Variants in CCDC158 observed in about 807,000 individuals in gnomAD.
CCDC158 encodes coiled-coil domain containing 158, also known as coiled-coil domain-containing protein 158.
A neutral mutation model predicts 138.6 loss-of-function variants in CCDC158; 116 were observed. The observed-to-expected ratio is 0.84, with a 90% confidence interval of 0.72 to 0.98. The LOEUF is 0.98. Among genes scored for constraint, CCDC158 ranks in the 50% least tolerant of loss-of-function variants. CCDC158 has a pLI of 0.00. For synonymous variants in CCDC158, 436 were observed against 442.4 expected, an observed-to-expected ratio of 0.99 and a Z score of 0.18; for missense variants, 1,265 against 1,306.1, an observed-to-expected ratio of 0.97 and a Z score of 0.48.
chr4:76,415,824 G>A (rs1049458547), intron 1 of CCDC158, among the ~76,000 whole-genome samples: 4 of 152,162 alleles, frequency 2.6e-5, no homozygotes, highest in African/African-American at 9.7e-5. Context: ...CAAGTGGACT[G>A]TGGTCTAGTG....
At chr4:76,402,652 C>A (rs1214021968) in intron 3 of CCDC158, among the ~76,000 whole-genome samples, 1 of 152,146 alleles carries the variant, frequency 6.6e-6, no homozygotes, top group Non-Finnish European at 1.5e-5. Flanking sequence ...ACATAGGAAT[C>A]ACCTTTGATT....
intron 18 of CCDC158, chr4:76,345,722 C>A: frequency 1.8e-6 from 1 of 566,180 alleles, no homozygotes; most frequent in Non-Finnish European, 3.2e-6. Flanking sequence ...ATTTTGATTT[C>A]TACAAATCTT....
chr4:76,412,766 A>G (rs1034939571), intron 1 of CCDC158, among the ~76,000 whole-genome samples: 2 of 152,214 alleles, frequency 1.3e-5, no homozygotes, highest in Non-Finnish European at 2.9e-5. Flanking sequence ...AAAGAAAAAA[A>G]TAGCCTATAG....
intron 19 of CCDC158, among the ~76,000 whole-genome samples, chr4:76,332,694 A>G (rs1202657454): frequency 6.6e-6 from 1 of 152,218 alleles, no homozygotes; most frequent in Non-Finnish European, 1.5e-5. Context: ...TAAAAGCTTT[A>G]CGCTGAGTTT....
chr4:76,339,108 T>C (rs1560802117), intron 18 of CCDC158, among the ~76,000 whole-genome samples: 1 of 152,130 alleles, frequency 6.6e-6, no homozygotes, highest in South Asian at 2.1e-4. Context: ...AACTGCTTTG[T>C]CACATGGAGA....
At chr4:76,354,474 C>T (rs570318100) in intron 15 of CCDC158, among the ~76,000 whole-genome samples, 2 of 152,156 alleles carry the variant, frequency 1.3e-5, no homozygotes, top group Admixed American at 6.5e-5. Flanking sequence ...TTTACTTTTT[C>T]ACCTCTATTA....
chr4:76,368,173 G>A (rs1342094096), intron 11 of CCDC158, among the ~76,000 whole-genome samples: 1 of 152,146 alleles, frequency 6.6e-6, no homozygotes, highest in East Asian at 1.9e-4. Flanking sequence ...GTTCTAGAGT[G>A]CAGTCTTGGG....
In CCDC158 at chr4:76,325,924, T is replaced by A. The variant is rs1185243122; in HGVS notation, c.3102A>T (p.Glu1034Asp). ...ACTGTGATGTGGAACCTATTGAACC[T>A]TCAACTGAACTAGTTAGGAGTGAGT... ...PVHSLLTSSV[E>D]GSIGSTSQYR... The change falls in exon 23 of 25, where the codon GAA (glutamate) becomes GAT (aspartate). Residue 1034 changes from glutamate (E) to aspartate (D), a missense_variant. Physicochemically the swap from Glu to Asp is conservative, Grantham distance 45 (BLOSUM62 2). Coordinates refer to ENST00000682701, the MANE Select transcript of CCDC158 (RefSeq NM_001394954.1). 1.9e-6 allele frequency: 3 copies of A among 1,613,640 alleles called. No homozygotes were observed. Among genetic ancestry groups the A allele is most frequent in the South Asian group, 1.1e-5 (1 of 91,074 alleles).
intron 21 of CCDC158, among the ~76,000 whole-genome samples, chr4:76,329,326 C>G (rs1272770559): frequency 1.3e-5 from 2 of 152,256 alleles, no homozygotes; most frequent in East Asian, 3.9e-4. Context: ...TGGCTCACCC[C>G]TGTAATCCCA....
At chr4:76,325,268 A>G (rs1360499956) in intron 23 of CCDC158, among the ~76,000 whole-genome samples, 1 of 152,242 alleles carries the variant, frequency 6.6e-6, no homozygotes, top group African/African-American at 2.4e-5. Flanking sequence ...TTTATCTCTT[A>G]CAAAAGGGAA....
intron 12 of CCDC158, among the ~76,000 whole-genome samples, chr4:76,364,763 T>A (rs1724493938): frequency 6.6e-6 from 1 of 152,248 alleles, no homozygotes; most frequent in Non-Finnish European, 1.5e-5. Context: ...GGCCTTAGTA[T>A]CCTGGCAGAT....
At chr4:76,394,558 A>G (rs1432273703) in intron 4 of CCDC158, among the ~76,000 whole-genome samples, 1 of 152,092 alleles carries the variant, frequency 6.6e-6, no homozygotes, top group East Asian at 1.9e-4. Context: ...AAGACCTAGT[A>G]TTTGATAGCA....
At chr4:76,408,047 AGTT>A (rs33950992) in intron 2 of CCDC158, among the ~76,000 whole-genome samples, 4,023 of 151,922 alleles carry the variant, frequency 0.026, 171 homozygotes, top group African/African-American at 0.092. Context: ...CTTAAACAAG[AGTT>A]GTTTTTTTAA....
In CCDC158 at chr4:76,371,478, G is replaced by T; in HGVS notation, c.1088C>A (p.Thr363Lys). 1 of 1,614,038 alleles carries T rather than the reference G, an allele frequency of 6.2e-7. No homozygotes were observed. Among genetic ancestry groups the T allele is most frequent in the Non-Finnish European group, 8.5e-7 (1 of 1,179,942 alleles). Residue 363 changes from threonine to lysine, a missense_variant, in exon 10 of 25, where the codon ACA becomes AAA. Transcript: ENST00000682701. ...TTCCTGACTGAATTGATCACGCTCT[G>T]TCCGGGCTTCAGTTAGCTCTGAGTT... is the stretch of plus-strand genomic sequence containing the variant. ...LANSELTEAR[T>K]ERDQFSQESG...
At chr4:76,412,400 G>A (rs543690734) in intron 1 of CCDC158, among the ~76,000 whole-genome samples, 220 of 152,136 alleles carry the variant, frequency 1.4e-3, no homozygotes, top group African/African-American at 5.2e-3. Context: ...ACTGCTTGAG[G>A]CCAGGAGTTT....
Position 76,367,357 on chromosome 4 carries a change from T to C in CCDC158, c.1767A>G (p.Gln589=). The C allele has an allele frequency of 6.2e-7, 1 of 1,614,158 alleles. No individual in the cohort carries two copies. The highest frequency in any genetic ancestry group is 8.5e-7 in the Non-Finnish European group (1 of 1,179,970). The change falls in exon 12 of 25, where the codon CAA becomes CAG. Residue 589 remains glutamine, a synonymous_variant. Transcript: ENST00000682701. ...GQHGRTAGAM[Q]VEKAQLEKEI... is the part of the protein sequence containing the mutation. Reference sequence around the variant, plus strand: ...CTTTCTCCAGTTGAGCTTTTTCTACTTGCATAGCTCCAGCAGTTCGTCCAT... The same window carrying C: ...CTTTCTCCAGTTGAGCTTTTTCTACCTGCATAGCTCCAGCAGTTCGTCCAT...
intron 18 of CCDC158, chr4:76,345,183 G>T: frequency 1.2e-5 from 12 of 980,260 alleles, no homozygotes; most frequent in Non-Finnish European, 1.8e-5. Context: ...ATTGAAGGTT[G>T]CTGTGCTATT....
Position 76,351,825 on chromosome 4 carries a change from C to T in CCDC158, c.2446-13G>A. On this transcript the variant is annotated splice_polypyrimidine_tract_variant and intron_variant, in intron 16 of 24. Transcript: ENST00000682701. ...ACTGCAAAGATGCCTACAAATGGAG[C>T]AATCATAAATGGTTTATCTTGCATT... 6.5e-7 allele frequency: 1 copy of T among 1,541,230 alleles called. No individual in the cohort carries two copies. The highest frequency in any genetic ancestry group is 9.0e-7 in the Non-Finnish European group (1 of 1,114,316).
intron 3 of CCDC158, 40 bp from the exon 4 acceptor site, chr4:76,396,526 T>A: frequency 1.3e-6 from 2 of 1,499,004 alleles, no homozygotes; most frequent in Admixed American, 1.8e-5. Context: ...TTTCGTTTTT[T>A]TTGAGAAGGA....
Sources: gnomAD v4.1 joint callset for allele counts (sites outside exome capture counted in the v4.1 genomes callset) on GRCh38, gnomAD v4.1.1 for gene constraint, MANE v1.5 for transcripts, NCBI Gene and HGNC (gene_info 2026-07-23, HGNC 2026-07-21) for gene names.